Variants in UBE2G1 observed in about 807,000 individuals in gnomAD.
The protein encoded by UBE2G1 is ubiquitin-conjugating enzyme E2 G1.
In UBE2G1, 5 loss-of-function variants were observed where a neutral mutation model predicts 22.7. That is an observed-to-expected ratio of 0.22 (90% CI 0.12 to 0.46). UBE2G1 has a LOEUF of 0.46. Ranked by LOEUF, UBE2G1 falls within the 20% of genes least tolerant of loss-of-function variation. The pLI is 0.99. For synonymous variants in UBE2G1, 74 were observed against 67.5 expected, an observed-to-expected ratio of 1.10 and a Z score of -0.47; for missense variants, 88 against 203.9, an observed-to-expected ratio of 0.43 and a Z score of 3.46.
chr17:4,341,902 C>A (rs1274665576), intron 1 of UBE2G1, among the ~76,000 whole-genome samples: 2 of 152,160 alleles, frequency 1.3e-5, no homozygotes, highest in Non-Finnish European at 2.9e-5. Flanking sequence ...TCCTCTGACA[C>A]CTCACTGACG....
intron 1 of UBE2G1, among the ~76,000 whole-genome samples, chr17:4,311,015 A>G (rs1265082348): frequency 6.6e-6 from 1 of 152,060 alleles, no homozygotes; most frequent in Non-Finnish European, 1.5e-5. Context: ...GTTTGATGCC[A>G]GCCTGGGCAA....
At position 4,291,906 on chromosome 17, in the gene UBE2G1, T is replaced by C. The variant is rs192352343; in HGVS notation, c.248-2498A>G. On this transcript the variant is annotated intron_variant, in intron 3 of 5. Transcript: ENST00000396981. Reference sequence around the variant, plus strand: ...TTGTGAAATGTCTGTTCTTATCCTTTAGCCAGTTATGTACTTAATGTTTAC... The same window carrying C: ...TTGTGAAATGTCTGTTCTTATCCTTCAGCCAGTTATGTACTTAATGTTTAC... Among the ~76,000 whole-genome samples the C allele has an allele frequency of 4.6e-3, 704 of 152,368 alleles. 2 individuals carry two copies. Among genetic ancestry groups the C allele is most frequent in the Non-Finnish European group, 8.4e-3 (572 of 68,038 alleles).
intron 1 of UBE2G1, among the ~76,000 whole-genome samples, chr17:4,335,557 GATTTAA>G (rs1477047283): frequency 6.6e-6 from 1 of 152,066 alleles, no homozygotes; most frequent in Non-Finnish European, 1.5e-5. Context: ...AAACATAATA[GATTTAA>G]ATATATTAAA....
At chr17:4,363,166 C>A (rs781302909) in intron 1 of UBE2G1, among the ~76,000 whole-genome samples, 1 of 152,050 alleles carries the variant, frequency 6.6e-6, no homozygotes, top group Admixed American at 6.6e-5. Context: ...GTGTAGTTAT[C>A]GAATCTTTCC....
At chr17:4,273,578 A>G (rs2143664086) in intron 5 of UBE2G1, among the ~76,000 whole-genome samples, 1 of 152,246 alleles carries the variant, frequency 6.6e-6, no homozygotes, top group South Asian at 2.1e-4. Flanking sequence ...TACAGGCTCA[A>G]GCAACGCTGC....
intron 1 of UBE2G1, among the ~76,000 whole-genome samples, chr17:4,359,174 A>C (rs1969939910): frequency 6.6e-6 from 1 of 152,158 alleles, no homozygotes; most frequent in Non-Finnish European, 1.5e-5. Context: ...GACATAAAGA[A>C]CTTTTTTAAA....
In UBE2G1 at chr17:4,307,074, G is replaced by A; in HGVS notation, c.96C>T (p.Asp32=). Residue 32 remains aspartate (D), a synonymous_variant, in exon 2 of 6, where the codon GAC becomes GAT. Transcript: ENST00000396981. ...VEGFSAGLID[D]NDLYRWEVLI... is the part of the protein sequence containing the mutation. Reference sequence around the variant, plus strand: ...GGACTTCCCATCGGTAGAGATCATTGTCATCTATTAAACCTGCAGAAAAGC... The same window carrying A: ...GGACTTCCCATCGGTAGAGATCATTATCATCTATTAAACCTGCAGAAAAGC... The A allele has an allele frequency of 1.9e-6, 3 of 1,614,092 alleles. No homozygotes were observed. The highest frequency in any genetic ancestry group is 2.5e-6 in the Non-Finnish European group (3 of 1,179,974).
At chr17:4,301,919 C>A in intron 2 of UBE2G1, 1 of 488,274 alleles carries the variant, frequency 2.0e-6, no homozygotes, top group East Asian at 5.4e-5. Context: ...TCACACAACC[C>A]CTGGGGTCAC....
chr17:4,304,538 A>G (rs1185293887), intron 2 of UBE2G1, among the ~76,000 whole-genome samples: 1 of 147,498 alleles, frequency 6.8e-6, no homozygotes, highest in Non-Finnish European at 1.5e-5. Context: ...TGTGGCAACT[A>G]TAGGAGTCTC....
intron 5 of UBE2G1, among the ~76,000 whole-genome samples, chr17:4,279,832 T>C (rs1395279876): frequency 9.2e-6 from 1 of 108,122 alleles, no homozygotes; most frequent in African/African-American, 3.5e-5. Flanking sequence ...TATATATATA[T>C]GAACCTCAGT....
At chr17:4,365,891 C>G (rs898018249) in intron 1 of UBE2G1, among the ~76,000 whole-genome samples, 1 of 152,136 alleles carries the variant, frequency 6.6e-6, no homozygotes, top group East Asian at 1.9e-4. Flanking sequence ...CAGCCGGCCC[C>G]GAAGGTCCGG....
At chr17:4,283,536 C>T (rs1968921243) in intron 4 of UBE2G1, among the ~76,000 whole-genome samples, 1 of 152,018 alleles carries the variant, frequency 6.6e-6, no homozygotes, top group Non-Finnish European at 1.5e-5. Flanking sequence ...GAAGGATTAC[C>T]AACTCTCCCT....
intron 1 of UBE2G1, chr17:4,331,851 C>T (rs1222732670): frequency 6.6e-6 from 1 of 152,060 alleles, no homozygotes; most frequent in Non-Finnish European, 1.5e-5. Flanking sequence ...GACCGTCGTA[C>T]GAGGGAGATC....
chr17:4,332,950 C>T, intron 1 of UBE2G1, among the ~76,000 whole-genome samples: 1 of 152,214 alleles, frequency 6.6e-6, no homozygotes, highest in South Asian at 2.1e-4. Context: ...CTCTCCCCTA[C>T]CCTAACTACA....
chr17:4,325,656 C>T (rs185655005), intron 1 of UBE2G1, among the ~76,000 whole-genome samples: 151 of 152,196 alleles, frequency 9.9e-4, no homozygotes, highest in African/African-American at 1.8e-3. Flanking sequence ...CCCAAATTGC[C>T]GAAACATTCT....
intron 5 of UBE2G1, among the ~76,000 whole-genome samples, chr17:4,276,411 C>T (rs559380952): frequency 2.0e-5 from 3 of 152,164 alleles, no homozygotes; most frequent in South Asian, 4.2e-4. Context: ...CACCGATCTT[C>T]GCCTCCCAAA....
chr17:4,326,255 C>T (rs1020676545), intron 1 of UBE2G1, among the ~76,000 whole-genome samples: 2 of 151,950 alleles, frequency 1.3e-5, no homozygotes, highest in Non-Finnish European at 2.9e-5. Context: ...AACAAGAAAA[C>T]CAATGCAAAA....
intron 2 of UBE2G1, 121 bp from the exon 3 acceptor site, chr17:4,296,935 A>C (rs1969119626): frequency 2.5e-6 from 2 of 790,340 alleles, no homozygotes; most frequent in Non-Finnish European, 4.1e-6. Context: ...TAAACAAATA[A>C]TCTGGATTCC....
chr17:4,277,030 G>T (rs1200539187), intron 5 of UBE2G1, among the ~76,000 whole-genome samples: 1 of 152,222 alleles, frequency 6.6e-6, no homozygotes, highest in Non-Finnish European at 1.5e-5. Flanking sequence ...AGCAGACAAG[G>T]TTCCCGAAGC....
Sources: allele counts gnomAD v4.1 joint callset (sites outside exome capture counted in the v4.1 genomes callset), GRCh38; gene constraint gnomAD v4.1.1; transcripts MANE v1.5; gene names NCBI Gene and HGNC (gene_info 2026-07-23, HGNC 2026-07-21).